MFN1: variants seen among roughly 807,000 people sequenced by gnomAD.
MFN1 encodes mitofusin 1, also known as mitofusin-1.
In MFN1, 65 loss-of-function variants were observed where a neutral mutation model predicts 92.4. That is an observed-to-expected ratio of 0.70 (90% CI 0.58 to 0.86). The LOEUF is 0.86. Ranked by LOEUF, MFN1 falls within the 40% of genes least tolerant of loss-of-function variation. The pLI is 0.00. For synonymous variants in MFN1, 297 were observed against 300.9 expected, an observed-to-expected ratio of 0.99 and a Z score of 0.13; for missense variants, 781 against 868.0, an observed-to-expected ratio of 0.90 and a Z score of 1.26.
chr3:179,382,969 C>A (rs1475793795), intron 14 of MFN1, among the ~76,000 whole-genome samples: 1 of 152,018 alleles, frequency 6.6e-6, no homozygotes, highest in Admixed American at 6.6e-5. Flanking sequence ...TCGATATTAC[C>A]CCTTTGTCAG....
intron 3 of MFN1, 104 bp downstream of exon 3, chr3:179,352,139 T>G (rs1322179244): frequency 8.0e-7 from 1 of 1,248,896 alleles, no homozygotes; most frequent in South Asian, 1.8e-5. Context: ...CCCCGCAAGT[T>G]TCTGCCTGTG....
chr3:179,348,119 A>G (rs1711987984), intron 1 of MFN1: 1 of 151,902 alleles, frequency 6.6e-6, no homozygotes, highest in African/African-American at 2.4e-5. Context: ...GGCCTTTTCT[A>G]AGGCAGGTGT....
At chr3:179,369,797 C>T (rs1405668200) in intron 9 of MFN1, among the ~76,000 whole-genome samples, 1 of 152,044 alleles carries the variant, frequency 6.6e-6, no homozygotes, top group Non-Finnish European at 1.5e-5. Context: ...AGGAACTATT[C>T]TTTTTAAATG....
At chr3:179,363,682 C>T (rs531637882) in intron 5 of MFN1, among the ~76,000 whole-genome samples, 1 of 151,888 alleles carries the variant, frequency 6.6e-6, no homozygotes, top group East Asian at 1.9e-4. Flanking sequence ...TATGTGGAGT[C>T]AGGGTTTTGT....
chr3:179,381,679 C>A (rs902612052), intron 14 of MFN1, among the ~76,000 whole-genome samples: 1 of 148,460 alleles, frequency 6.7e-6, no homozygotes, highest in African/African-American at 2.4e-5. Flanking sequence ...CATAGCAACA[C>A]CTGTGTTTTC....
intron 17 of MFN1, 81 bp downstream of exon 17, chr3:179,390,219 T>G: frequency 8.5e-7 from 1 of 1,183,262 alleles, no homozygotes; most frequent in Non-Finnish European, 1.1e-6. Flanking sequence ...TGAATTTGTA[T>G]TCATTCCTAA....
chr3:179,390,443 A>G (rs1315762857), intron 17 of MFN1, among the ~76,000 whole-genome samples: 1 of 152,206 alleles, frequency 6.6e-6, no homozygotes, highest in Admixed American at 6.5e-5. Context: ...TTCCCTTTTC[A>G]GAACAGAAGT....
chr3:179,368,161 C>A, intron 9 of MFN1, 58 bp downstream of exon 9: 1 of 1,295,456 alleles, frequency 7.7e-7, no homozygotes, highest in Non-Finnish European at 1.0e-6. Flanking sequence ...TTGGAGAAAG[C>A]ATAATCTTCT....
chr3:179,375,268 A>C lies in MFN1; in HGVS notation c.1024A>C (p.Ile342Leu), dbSNP rs376997527. Residue 342 changes from isoleucine (I) to leucine (L), a missense_variant, in exon 10 of 18, where the codon ATC becomes CTC. Coordinates refer to ENST00000471841, the MANE Select transcript of MFN1 (RefSeq NM_033540.3). ...AVKTKFEQHT[I>L]RAKQILATVK... is the part of the protein sequence containing the mutation. ...GAAAACAAAGTTCGAACAGCACACT[A>C]TCAGAGCTAAACAGATACTAGCTAC... is the stretch of plus-strand genomic sequence containing the variant. 3 of 1,613,952 alleles carry C rather than the reference A, an allele frequency of 1.9e-6. No homozygotes were observed. Among genetic ancestry groups the C allele is most frequent in the South Asian group, 2.2e-5 (2 of 91,078 alleles).
intron 9 of MFN1, among the ~76,000 whole-genome samples, chr3:179,372,252 GA>G (rs1302803896): frequency 2.6e-5 from 4 of 151,080 alleles, no homozygotes; most frequent in Non-Finnish European, 3.0e-5. Flanking sequence ...ACTTTCTATT[GA>G]AAGTATATCA....
intron 9 of MFN1, among the ~76,000 whole-genome samples, chr3:179,372,607 A>G (rs918938023): frequency 1.3e-5 from 2 of 152,134 alleles, no homozygotes; most frequent in African/African-American, 4.8e-5. Context: ...ATGTGGGATT[A>G]CTTTTTAATT....
intron 14 of MFN1, among the ~76,000 whole-genome samples, chr3:179,382,248 G>C (rs1009433059): frequency 1.3e-5 from 2 of 151,790 alleles, no homozygotes; most frequent in Non-Finnish European, 2.9e-5. Context: ...CAGGCCCCGG[G>C]GTGTGATGTT....
In MFN1 at chr3:179,392,034, T is replaced by C. The variant is rs1228141016; in HGVS notation, c.2201T>C (p.Leu734Pro). The C allele has an allele frequency of 6.2e-7, 1 of 1,611,342 alleles. No individual in the cohort carries two copies. Among genetic ancestry groups the C allele is most frequent in the African/African-American group, 1.3e-5 (1 of 74,884 alleles). ...CTGGAGAATTTTACTAAGCAGTTTC[T>C]ACCTTCAAGCAATGAAGAATCCTAA... ...NELENFTKQF[L>P]PSSNEES Residue 734 changes from leucine to proline, a missense_variant, in exon 18 of 18, where the codon CTA becomes CCA. By Grantham distance (98) the Leu-to-Pro change is moderately conservative (BLOSUM62 -3). Coordinates refer to ENST00000471841, the MANE Select transcript of MFN1 (RefSeq NM_033540.3).
At chr3:179,369,495 G>T (rs929906900) in intron 9 of MFN1, among the ~76,000 whole-genome samples, 1 of 152,060 alleles carries the variant, frequency 6.6e-6, no homozygotes. Flanking sequence ...ATGTATAATT[G>T]TGTAATGTTC....
intron 15 of MFN1, among the ~76,000 whole-genome samples, 162 bp from the exon 16 acceptor site, chr3:179,386,271 T>C (rs545853755): frequency 1.1e-4 from 16 of 152,332 alleles, no homozygotes; most frequent in African/African-American, 3.8e-4. Flanking sequence ...CTTTTAAGCC[T>C]GATTGATTTC....
intron 12 of MFN1, among the ~76,000 whole-genome samples, chr3:179,377,848 A>G (rs1345847169): frequency 1.3e-5 from 2 of 152,014 alleles, no homozygotes; most frequent in African/African-American, 2.4e-5. Flanking sequence ...ACGGATCACG[A>G]GGTCAGGAGT....
intron 9 of MFN1, among the ~76,000 whole-genome samples, chr3:179,374,907 T>C (rs1004478847): frequency 1.3e-5 from 2 of 152,222 alleles, no homozygotes; most frequent in African/African-American, 4.8e-5. Flanking sequence ...ATAAAAATAG[T>C]AATTCTAATG....
chr3:179,391,764 A>G (rs1035929262), intron 17 of MFN1, among the ~76,000 whole-genome samples: 12 of 152,184 alleles, frequency 7.9e-5, no homozygotes, highest in African/African-American at 2.9e-4. Flanking sequence ...GTATGTCCAT[A>G]AGAAACACTG....
At chr3:179,365,321 G>C (rs1712745847) in intron 7 of MFN1, 96 bp downstream of exon 7, 1 of 689,764 alleles carries the variant, frequency 1.4e-6, no homozygotes, top group South Asian at 2.5e-5. Flanking sequence ...AAAATTATAA[G>C]AGCTATTCCA....
Sources: gnomAD v4.1 joint callset for allele counts (sites outside exome capture counted in the v4.1 genomes callset) on GRCh38, gnomAD v4.1.1 for gene constraint, MANE v1.5 for transcripts, NCBI Gene and HGNC (gene_info 2026-07-23, HGNC 2026-07-21) for gene names.